Variants in GMDS observed in about 807,000 individuals in gnomAD.
GMDS encodes GDP-mannose 4,6 dehydratase.
A neutral mutation model predicts 49.9 loss-of-function variants in GMDS; 20 were observed. The ratio of observed to expected loss-of-function variants is 0.40; its 90% CI spans 0.28 to 0.58. The LOEUF is 0.58. GMDS is among the 20% of genes least tolerant of loss of function. GMDS has a pLI of 0.42. For missense variants in GMDS, 362 were observed against 481.4 expected (o/e 0.75, Z 2.32); for synonymous variants, 177 against 178.6 (o/e 0.99, Z 0.07).
At chr6:1,800,791 G>A (rs6934659) in intron 7 of GMDS, among the ~76,000 whole-genome samples, 7,769 of 152,102 alleles carry the variant, frequency 0.051, 623 homozygotes, top group African/African-American at 0.17. Flanking sequence ...TTAGCCCTGG[G>A]TGAAGCAGGC....
chr6:1,700,764 T>C (rs1377954645), intron 9 of GMDS, among the ~76,000 whole-genome samples: 1 of 152,104 alleles, frequency 6.6e-6, no homozygotes, highest in African/African-American at 2.4e-5. Flanking sequence ...CTGTCCCTCC[T>C]CGGGCCCAGC....
chr6:2,199,668 T>C (rs1779419483), intron 1 of GMDS, among the ~76,000 whole-genome samples: 1 of 152,188 alleles, frequency 6.6e-6, no homozygotes, highest in South Asian at 2.1e-4. Flanking sequence ...CTTAATGCAA[T>C]GCCCCAAGCT....
intron 1 of GMDS, among the ~76,000 whole-genome samples, chr6:2,221,278 A>G (rs1399619247): frequency 1.3e-5 from 2 of 152,238 alleles, no homozygotes; most frequent in African/African-American, 4.8e-5. Flanking sequence ...TCTCACTTGT[A>G]ATATCATGAT....
At chr6:1,939,860 A>C (rs1430928526) in intron 6 of GMDS, among the ~76,000 whole-genome samples, 1 of 152,222 alleles carries the variant, frequency 6.6e-6, no homozygotes, top group African/African-American at 2.4e-5. Context: ...ATAGAGATTT[A>C]TTTTTAAAAA....
intron 1 of GMDS, among the ~76,000 whole-genome samples, chr6:2,182,236 C>G (rs1250569397): frequency 2.0e-5 from 3 of 152,206 alleles, no homozygotes; most frequent in Non-Finnish European, 4.4e-5. Context: ...AGAAGAAAAG[C>G]TGGAAGCTAG....
At chr6:1,777,350 G>A (rs1768878678) in intron 7 of GMDS, among the ~76,000 whole-genome samples, 1 of 152,258 alleles carries the variant, frequency 6.6e-6, no homozygotes, top group African/African-American at 2.4e-5. Context: ...CGGAGGATGT[G>A]TGATATTTTT....
In GMDS at chr6:2,149,216, A is replaced by C. The variant is rs543015851; in HGVS notation, c.103-24485T>G. ...AGAAAAAAAAGGTAGGCAACTATAT[A>C]TTCTTATTAATTGGAAAAATCATTG... On this transcript the variant is annotated intron_variant, in intron 1 of 10. Coordinates refer to ENST00000380815, the MANE Select transcript of GMDS (RefSeq NM_001500.4). 2.0e-5 allele frequency among the ~76,000 whole-genome samples: 3 copies of C among 152,348 alleles called. No individual in the cohort carries two copies. The South Asian group carries it at 6.2e-4, about 32-fold the overall frequency.
At chr6:1,995,160 C>T (rs933390368) in intron 4 of GMDS, among the ~76,000 whole-genome samples, 20 of 152,112 alleles carry the variant, frequency 1.3e-4, no homozygotes, top group African/African-American at 4.8e-4. Flanking sequence ...TGAGGGGCCA[C>T]CATGGCAATG....
chr6:1,712,092 G>T (rs1247322556), intron 9 of GMDS, among the ~76,000 whole-genome samples: 2 of 152,210 alleles, frequency 1.3e-5, no homozygotes, highest in Non-Finnish European at 2.9e-5. Flanking sequence ...GCAAGAGATT[G>T]GAGGTTTGGG....
intron 4 of GMDS, among the ~76,000 whole-genome samples, chr6:2,000,816 C>CTTTCTAAGAAATGA (rs1766770223): frequency 6.6e-6 from 1 of 152,230 alleles, no homozygotes; most frequent in Non-Finnish European, 1.5e-5. Context: ...CATACACCAC[C>CTTTCTAAGAAATGA]ATGCCCAGCC....
chr6:1,671,330 G>A (rs1324429790), intron 9 of GMDS, among the ~76,000 whole-genome samples: 1 of 152,190 alleles, frequency 6.6e-6, no homozygotes, highest in Non-Finnish European at 1.5e-5. Flanking sequence ...TTTAGAGGAA[G>A]CAGCGACTGA....
At chr6:1,922,131 T>C (rs1761744671) in intron 7 of GMDS, among the ~76,000 whole-genome samples, 1 of 152,204 alleles carries the variant, frequency 6.6e-6, no homozygotes, top group Non-Finnish European at 1.5e-5. Context: ...AGAATAGGTT[T>C]TCTAGGAAAC....
At chr6:1,726,324 C>G in intron 9 of GMDS, 92 bp downstream of exon 9, 1 of 823,570 alleles carries the variant, frequency 1.2e-6, no homozygotes, top group Non-Finnish European at 2.1e-6. Context: ...GAACTGACAG[C>G]TCCAAAGGCT....
At chr6:2,223,206 T>C (rs1234510683) in intron 1 of GMDS, among the ~76,000 whole-genome samples, 3 of 152,132 alleles carry the variant, frequency 2.0e-5, no homozygotes, top group Non-Finnish European at 4.4e-5. Context: ...ACTGGTTCTG[T>C]TTCTCCAGAG....
chr6:1,863,505 T>A (rs1057344849), intron 7 of GMDS, among the ~76,000 whole-genome samples: 1 of 152,156 alleles, frequency 6.6e-6, no homozygotes, highest in African/African-American at 2.4e-5. Flanking sequence ...CATGTGTGTG[T>A]GTGTTCCAAT....
At chr6:2,095,362 A>T (rs182024555) in intron 4 of GMDS, among the ~76,000 whole-genome samples, 3 of 152,358 alleles carry the variant, frequency 2.0e-5, no homozygotes, top group Admixed American at 2.0e-4. Flanking sequence ...ACTTAAGAAC[A>T]TCTGCCACTT....
At chr6:1,653,808 T>C (rs759514795) in intron 9 of GMDS, among the ~76,000 whole-genome samples, 11 of 152,156 alleles carry the variant, frequency 7.2e-5, no homozygotes, top group Non-Finnish European at 1.0e-4. Flanking sequence ...CTCAAATAGA[T>C]TGAAGACCTA....
At chr6:2,014,344 T>C (rs866404202) in intron 4 of GMDS, among the ~76,000 whole-genome samples, 10 of 151,898 alleles carry the variant, frequency 6.6e-5, no homozygotes, top group African/African-American at 2.2e-4. Context: ...TATATAACTG[T>C]TCAAAGTGAT....
chr6:1,765,149 A>C (rs1033330057), intron 7 of GMDS, among the ~76,000 whole-genome samples: 4 of 152,208 alleles, frequency 2.6e-5, no homozygotes, highest in Non-Finnish European at 5.9e-5. Flanking sequence ...AAAAAGAAAA[A>C]AAAAATTTAC....
Sources: allele counts gnomAD v4.1 joint callset (sites outside exome capture counted in the v4.1 genomes callset), GRCh38; gene constraint gnomAD v4.1.1; transcripts MANE v1.5; gene names NCBI Gene and HGNC (gene_info 2026-07-23, HGNC 2026-07-21).